CATSPER4: variants seen among roughly 807,000 people sequenced by gnomAD.
The protein encoded by CATSPER4 is cation channel sperm associated 4.
In CATSPER4, 46 loss-of-function variants were observed where a neutral mutation model predicts 54.4. The ratio of observed to expected loss-of-function variants is 0.84; its 90% CI spans 0.67 to 1.08. The LOEUF (loss-of-function observed/expected upper bound fraction) is 1.08. Ranked by LOEUF, CATSPER4 falls within the 50% of genes least tolerant of loss-of-function variation. The probability of loss-of-function intolerance (pLI) is 0.00; values close to 1 mark genes in which losing one functional copy is unlikely to be tolerated. For synonymous variants in CATSPER4, 230 were observed against 231.9 expected, an observed-to-expected ratio of 0.99 and a Z score of 0.08; for missense variants, 574 against 612.8, an observed-to-expected ratio of 0.94 and a Z score of 0.67.
intron 3 of CATSPER4, among the ~76,000 whole-genome samples, chr1:26,196,373 T>C (rs553077112): frequency 9.9e-5 from 15 of 151,194 alleles, no homozygotes; most frequent in African/African-American, 1.5e-4. Context: ...CAGTCTCTTC[T>C]GATCATTTGA....
intron 7 of CATSPER4, among the ~76,000 whole-genome samples, chr1:26,200,336 T>A (rs2088993028): frequency 6.6e-6 from 1 of 152,142 alleles, no homozygotes; most frequent in African/African-American, 2.4e-5. Context: ...ATTTTTTTCT[T>A]TTGTAAAATG....
At chr1:26,192,690 G>A (rs141531414) in intron 2 of CATSPER4, among the ~76,000 whole-genome samples, 17,319 of 151,886 alleles carry the variant, frequency 0.11, 1,244 homozygotes, top group South Asian at 0.22. Flanking sequence ...GCCTCCCAAA[G>A]TGCTGAGATT....
chr1:26,193,719 C>A, intron 2 of CATSPER4, 68 bp from the exon 3 acceptor site: 1 of 1,000,716 alleles, frequency 1.0e-6, no homozygotes, highest in Non-Finnish European at 1.6e-6. Flanking sequence ...CATCCTCTCC[C>A]TGCCGGCTTG....
intron 2 of CATSPER4, among the ~76,000 whole-genome samples, chr1:26,192,800 G>A (rs907877004): frequency 1.2e-4 from 18 of 151,910 alleles, no homozygotes; most frequent in Admixed American, 9.8e-4. Flanking sequence ...ATGTGACAGT[G>A]GGCCCTAAGG....
chr1:26,190,778 G>A lies in CATSPER4; in HGVS notation c.151G>A (p.Glu51Lys), dbSNP rs756874985. The A allele has an allele frequency of 8.7e-6, 14 of 1,613,218 alleles. No individual in the cohort carries two copies. The highest frequency in any genetic ancestry group is 1.1e-5 in the Non-Finnish European group (13 of 1,179,806). The change falls in exon 1 of 10, where the codon GAG becomes AAG. Residue 51 changes from glutamate to lysine, a missense_variant. Transcript: ENST00000456354. ...CTCTCCCCTGCAGAGTACCATTCAC[G>A]AGTCCTACGGTCGGCCAGAGGAGCA... ...RPSPLQSTIH[E>K]SYGRPEEQVL... is the part of the protein sequence containing the mutation.
chr1:26,190,762 G>A lies in CATSPER4; in HGVS notation c.135G>A (p.Leu45=). The A allele has an allele frequency of 6.2e-7, 1 of 1,613,518 alleles. No homozygotes were observed. Among genetic ancestry groups the A allele is most frequent in the Non-Finnish European group, 8.5e-7 (1 of 1,179,858 alleles). ...CACTGAGGGGCCGCCCCTCTCCCCT[G>A]CAGAGTACCATTCACGAGTCCTACG... The part of the protein sequence containing the change: ...VAALRGRPSP[L]QSTIHESYGR... Residue 45 remains leucine, a synonymous_variant, in exon 1 of 10, where the codon CTG becomes CTA. Coordinates refer to ENST00000456354, the MANE Select transcript of CATSPER4 (RefSeq NM_198137.2).
intron 8 of CATSPER4, 51 bp downstream of exon 8, chr1:26,201,092 C>T (rs1261670905): frequency 3.4e-6 from 5 of 1,462,962 alleles, no homozygotes; most frequent in Middle Eastern, 1.7e-4. Context: ...CAAGGCTGGG[C>T]GGAGCGTCAG....
intron 9 of CATSPER4, 32 bp from the exon 10 acceptor site, chr1:26,202,457 G>A (rs1430608019): frequency 1.2e-6 from 2 of 1,601,678 alleles, no homozygotes; most frequent in Admixed American, 1.7e-5. Flanking sequence ...GGGGGGAGTG[G>A]GGGATTAACA....
At chr1:26,199,530 T>G (rs1569909602) in intron 6 of CATSPER4, among the ~76,000 whole-genome samples, 1 of 139,464 alleles carries the variant, frequency 7.2e-6, no homozygotes. Flanking sequence ...ACCCAGGAGG[T>G]GGAGCTTGCA....
Position 26,197,722 on chromosome 1 carries a change from A to G in CATSPER4, c.496A>G (p.Ile166Val), listed in dbSNP as rs2088958062. The G allele has an allele frequency of 6.2e-7, 1 of 1,613,774 alleles. No homozygotes were observed. Among genetic ancestry groups the G allele is most frequent in the South Asian group, 1.1e-5 (1 of 91,060 alleles). ...CATCCTCAACTTCATTATCGTCTTT[A>G]TCTTGCTCTTGCGGTTCTTCATTAA... ...WNILNFIIVF[I>V]LLLRFFINEI... The change falls in exon 4 of 10, where the codon ATC (isoleucine) becomes GTC (valine). Residue 166 changes from isoleucine (I) to valine (V), a missense_variant. Ile to Val is a conservative substitution (Grantham distance 29). Coordinates refer to ENST00000456354, the MANE Select transcript of CATSPER4 (RefSeq NM_198137.2).
rs754643682 is a variant in CATSPER4, at chr1:26,200,936, C to G, written c.1094C>G (p.Pro365Arg). The change falls in exon 8 of 10, where the codon CCC becomes CGC. Residue 365 changes from proline (P) to arginine (R), a missense_variant. Pro to Arg is a moderately radical substitution (Grantham distance 103, BLOSUM62 -2). Transcript: ENST00000456354. ...CTCCAGGAACCCCTTGCGGGAGGCCCCCTGTCGAACCTCTCAGAAAACACG... is the reference window on the plus strand; with the variant it reads ...CTCCAGGAACCCCTTGCGGGAGGCCGCCTGTCGAACCTCTCAGAAAACACG... ...GLLQEPLAGG[P>R]LSNLSENTCD... 1 of 1,614,062 alleles carries G rather than the reference C, an allele frequency of 6.2e-7. No individual in the cohort carries two copies. Among genetic ancestry groups the G allele is most frequent in the Non-Finnish European group, 8.5e-7 (1 of 1,179,996 alleles).
At chr1:26,192,478 C>T (rs1468865340) in intron 2 of CATSPER4, among the ~76,000 whole-genome samples, 1 of 151,606 alleles carries the variant, frequency 6.6e-6, no homozygotes, top group Non-Finnish European at 1.5e-5. Flanking sequence ...TAATCCCAGC[C>T]ACTTGAGAGG....
intron 2 of CATSPER4, 34 bp from the exon 3 acceptor site, chr1:26,193,753 C>T (rs747314881): frequency 6.8e-7 from 1 of 1,463,482 alleles, no homozygotes; most frequent in Non-Finnish European, 9.6e-7. Flanking sequence ...CCACTGACCT[C>T]TCTGCCCCTC....
chr1:26,191,739 G>A (rs192333759), intron 2 of CATSPER4, among the ~76,000 whole-genome samples: 1 of 152,152 alleles, frequency 6.6e-6, no homozygotes, highest in African/African-American at 2.4e-5. Flanking sequence ...CAGTCACTAA[G>A]GGAGAATCAC....
chr1:26,193,701 C>G, intron 2 of CATSPER4, 86 bp from the exon 3 acceptor site: 1 of 847,366 alleles, frequency 1.2e-6, no homozygotes, highest in Non-Finnish European at 2.1e-6. Flanking sequence ...ACTTCCCTCC[C>G]CTACATACAT....
In CATSPER4 at chr1:26,190,797, A is replaced by G. The variant is rs770126080; in HGVS notation, c.170A>G (p.Glu57Gly). ...ATTCACGAGTCCTACGGTCGGCCAGAGGAGCAAGTGCTCATCAACCGCCAG... is the reference window on the plus strand; with the variant it reads ...ATTCACGAGTCCTACGGTCGGCCAGGGGAGCAAGTGCTCATCAACCGCCAG... ...STIHESYGRP[E>G]EQVLINRQEI... The change falls in exon 1 of 10, where the codon GAG (glutamate) becomes GGG (glycine). Residue 57 changes from glutamate to glycine, a missense_variant. Glu to Gly is a moderately conservative substitution (Grantham distance 98). Coordinates refer to ENST00000456354, the MANE Select transcript of CATSPER4 (RefSeq NM_198137.2). The G allele has an allele frequency of 4.3e-6, 7 of 1,613,064 alleles. No homozygotes were observed.
At chr1:26,196,144 CTTTTTTTTTTT>C (rs376569258) in intron 3 of CATSPER4, among the ~76,000 whole-genome samples, 11 of 125,274 alleles carry the variant, frequency 8.8e-5, no homozygotes, top group African/African-American at 3.4e-4. Context: ...CTTTCTTTTC[CTTTTTTTTTTT>C]TTTTTTCTTT....
At position 26,200,844 on chromosome 1, in the gene CATSPER4, A is replaced by C. The variant is rs2088999141; in HGVS notation, c.1002A>C (p.Glu334Asp). ...RITFSETGAEEEEENDQLPLV... is the reference protein window; with the variant it reads ...RITFSETGAEDEEENDQLPLV... ...CCGCTTCCCAGACAGGCGCAGAGGA[A>C]GAGGAGGAGAATGACCAGCTGCCAC... The change falls in exon 8 of 10, where the codon GAA becomes GAC. Residue 334 changes from glutamate to aspartate, a missense_variant. Physicochemically the swap from Glu to Asp is conservative, Grantham distance 45. Coordinates refer to ENST00000456354, the MANE Select transcript of CATSPER4 (RefSeq NM_198137.2). The C allele has an allele frequency of 6.2e-7, 1 of 1,613,740 alleles. No homozygotes were observed. Among genetic ancestry groups the C allele is most frequent in the African/African-American group, 1.3e-5 (1 of 74,898 alleles).
intron 3 of CATSPER4, 61 bp from the exon 4 acceptor site, chr1:26,197,625 A>G: frequency 8.6e-7 from 1 of 1,168,968 alleles, no homozygotes; most frequent in Non-Finnish European, 1.3e-6. Context: ...GGGAGGGCAG[A>G]CCTAGGATGC....
Sources: gnomAD v4.1 joint callset for allele counts (sites outside exome capture counted in the v4.1 genomes callset) on GRCh38, gnomAD v4.1.1 for gene constraint, MANE v1.5 for transcripts, NCBI Gene and HGNC (gene_info 2026-07-23, HGNC 2026-07-21) for gene names.